The following ANKUB1 variants were observed in gnomAD, a reference collection of about 807,000 sequenced individuals.
The protein encoded by ANKUB1 is protein ANKUB1.
ANKUB1 carries 42 observed loss-of-function variants against 49.3 expected under a neutral mutation model. The ratio of observed to expected loss-of-function variants is 0.85; its 90% CI spans 0.67 to 1.10. The LOEUF is 1.10. Ranked by LOEUF, ANKUB1 falls within the 50% of genes least tolerant of loss-of-function variation. ANKUB1 has a pLI of 0.00. For synonymous variants in ANKUB1, 222 were observed against 231.0 expected (o/e 0.96, Z 0.35); for missense variants, 613 against 642.0 (o/e 0.95, Z 0.49).
chr3:149,786,979 T>A (rs576093604), intron 2 of ANKUB1, among the ~76,000 whole-genome samples: 2 of 152,186 alleles, frequency 1.3e-5, no homozygotes, highest in Non-Finnish European at 2.9e-5. Flanking sequence ...ACTTTAGCCT[T>A]ATAGTATAGT....
Position 149,767,574 on chromosome 3 carries a change from T to C in ANKUB1, c.1088A>G (p.His363Arg), listed in dbSNP as rs1559862094. The C allele has an allele frequency of 1.3e-6, 2 of 1,551,756 alleles. No individual in the cohort carries two copies. The highest frequency in any genetic ancestry group is 2.4e-5 in the South Asian group (2 of 84,062). ...TKPKMTSKSW[H>R]KAGNSDSQSI... Reference sequence around the variant, plus strand: ...TTGTGAGTCGCTGTTCCCAGCCTTATGCCAGCTCTTGGAGGTCATTTTTGG... The same window carrying C: ...TTGTGAGTCGCTGTTCCCAGCCTTACGCCAGCTCTTGGAGGTCATTTTTGG... The change falls in exon 5 of 6, where the codon CAT becomes CGT. Residue 363 changes from histidine (H) to arginine (R), a missense_variant. Transcript: ENST00000446160.
chr3:149,776,678 G>T (rs527683929), intron 3 of ANKUB1, among the ~76,000 whole-genome samples: 1 of 152,222 alleles, frequency 6.6e-6, no homozygotes, highest in Non-Finnish European at 1.5e-5. Context: ...ATGTGATCTA[G>T]GGCCAGGTGC....
chr3:149,777,715 C>T (rs1369541551), intron 3 of ANKUB1, among the ~76,000 whole-genome samples: 2 of 152,128 alleles, frequency 1.3e-5, no homozygotes, highest in Non-Finnish European at 2.9e-5. Flanking sequence ...CCATGGTTCC[C>T]ACATCTGTGT....
chr3:149,780,035 G>A (rs7622440), intron 3 of ANKUB1: 405,619 of 568,344 alleles, frequency 0.71, 146,696 homozygotes, highest in East Asian at 0.9. Flanking sequence ...GGAGAGGGAG[G>A]GCAACTTACC....
At chr3:149,761,949 A>G (rs1716801613) in intron 5 of ANKUB1, among the ~76,000 whole-genome samples, 1 of 152,108 alleles carries the variant, frequency 6.6e-6, no homozygotes, top group African/African-American at 2.4e-5. Context: ...TCTTTTCTCC[A>G]CTTTCTACCC....
At chr3:149,787,209 G>A (rs552642673) in intron 2 of ANKUB1, among the ~76,000 whole-genome samples, 62 of 152,280 alleles carry the variant, frequency 4.1e-4, no homozygotes, top group African/African-American at 1.4e-3. Flanking sequence ...CCATGAGCAT[G>A]GAATGTTCTT....
chr3:149,785,615 A>C (rs1202910892), intron 2 of ANKUB1, among the ~76,000 whole-genome samples: 1 of 152,178 alleles, frequency 6.6e-6, no homozygotes. Flanking sequence ...GCAGCATAGT[A>C]TTCCATGGTG....
At position 149,772,826 on chromosome 3, in the gene ANKUB1, A is replaced by G. The variant is rs80308219; in HGVS notation, c.452-2152T>C. Among the ~76,000 whole-genome samples the G allele has an allele frequency of 6.9e-4, 105 of 152,302 alleles. 2 individuals carry two copies. In the East Asian group the frequency reaches 0.019, roughly 28 times the overall value. ...TCTTCTGGCCATGCTCTGCCCTCCT[A>G]ACCGAGCAGGTTGGCCTGCACTTCC... is the stretch of plus-strand genomic sequence containing the variant. On this transcript the variant is annotated intron_variant, in intron 3 of 5. Coordinates refer to ENST00000446160, the MANE Select transcript of ANKUB1 (RefSeq NM_001144960.3).
At chr3:149,775,732 G>A (rs547253965) in intron 3 of ANKUB1, among the ~76,000 whole-genome samples, 2 of 152,224 alleles carry the variant, frequency 1.3e-5, no homozygotes, top group African/African-American at 4.8e-5. Flanking sequence ...TTTCAGAAAG[G>A]ATGAATGCCA....
chr3:149,786,023 T>TTTTATTTATTTATTTATTTATTTA (rs575224030), intron 2 of ANKUB1, among the ~76,000 whole-genome samples: 134 of 151,830 alleles, frequency 8.8e-4, no homozygotes, highest in Non-Finnish European at 1.4e-3. Flanking sequence ...GATGATGAGC[T>TTTTATTTATTTATTTATTTATTTA]TTTATTTATT....
chr3:149,764,509 C>G (rs1716903842), intron 5 of ANKUB1, among the ~76,000 whole-genome samples: 1 of 120,184 alleles, frequency 8.3e-6, no homozygotes, highest in Non-Finnish European at 1.8e-5. Context: ...AGACTGACCA[C>G]CACTCCCCCT....
intron 5 of ANKUB1, among the ~76,000 whole-genome samples, chr3:149,765,870 C>G (rs1248666865): frequency 2.6e-5 from 4 of 152,098 alleles, no homozygotes; most frequent in Non-Finnish European, 5.9e-5. Context: ...AAGTGTCTTC[C>G]TCTATTGTCA....
At chr3:149,791,459 T>A (rs1245107475) in intron 1 of ANKUB1, among the ~76,000 whole-genome samples, 1 of 152,200 alleles carries the variant, frequency 6.6e-6, no homozygotes, top group African/African-American at 2.4e-5. Flanking sequence ...TGTTTTATTT[T>A]ATGCATTTAA....
intron 2 of ANKUB1, among the ~76,000 whole-genome samples, chr3:149,782,460 C>G (rs984846998): frequency 6.6e-6 from 1 of 151,960 alleles, no homozygotes; most frequent in Admixed American, 6.6e-5. Flanking sequence ...TATGAATAAT[C>G]GTATACTTAT....
At chr3:149,774,516 C>T (rs1717503755) in intron 3 of ANKUB1, among the ~76,000 whole-genome samples, 1 of 152,202 alleles carries the variant, frequency 6.6e-6, no homozygotes, top group Non-Finnish European at 1.5e-5. Context: ...GATTGCCTAT[C>T]CTCAGAGTCT....
intron 3 of ANKUB1, among the ~76,000 whole-genome samples, chr3:149,773,982 G>C (rs916365597): frequency 1.3e-5 from 2 of 152,106 alleles, no homozygotes; most frequent in Non-Finnish European, 2.9e-5. Context: ...AACACAGCGA[G>C]ACCCCATCTC....
At chr3:149,788,388 C>CTT (rs111836900) in intron 2 of ANKUB1, among the ~76,000 whole-genome samples, 5 of 145,948 alleles carry the variant, frequency 3.4e-5, no homozygotes, top group Admixed American at 6.9e-5. Flanking sequence ...ATAAACTCCT[C>CTT]TTTTTTTTTT....
intron 2 of ANKUB1, among the ~76,000 whole-genome samples, chr3:149,785,831 T>G (rs13085653): frequency 0.82 from 125,386 of 152,020 alleles, 51,804 homozygotes; most frequent in East Asian, 0.9. Flanking sequence ...TTGAGGAATC[T>G]CCATACTGTC....
rs749644987 is a variant in ANKUB1, at chr3:149,780,284, C to T, written c.406G>A (p.Glu136Lys). 1.9e-6 allele frequency: 3 copies of T among 1,551,574 alleles called. No individual in the cohort carries two copies. The African/African-American group carries it at 4.1e-5, about 21-fold the overall frequency. Residue 136 changes from glutamate to lysine, a missense_variant, in exon 3 of 6, where the codon GAG becomes AAG. Glu to Lys is a moderately conservative substitution (Grantham distance 56). Coordinates refer to ENST00000446160, the MANE Select transcript of ANKUB1 (RefSeq NM_001144960.3). Reference sequence around the variant, plus strand: ...TTGAGGGTGTTGCAATCATACATCTCCAGGCCCCTTGGGGTTCGGAGACAG... The same window carrying T: ...TTGAGGGTGTTGCAATCATACATCTTCAGGCCCCTTGGGGTTCGGAGACAG... The part of the protein sequence containing the change: ...VYCLRTPRGL[E>K]MYDCNTLKDY...
Sources: allele counts gnomAD v4.1 joint callset (sites outside exome capture counted in the v4.1 genomes callset), GRCh38; gene constraint gnomAD v4.1.1; transcripts MANE v1.5; gene names NCBI Gene and HGNC (gene_info 2026-07-23, HGNC 2026-07-21).